The following ITCH variants were observed in gnomAD, a reference collection of about 807,000 sequenced individuals.
ITCH encodes itchy E3 ubiquitin protein ligase.
In ITCH, 28 loss-of-function variants were observed where a neutral mutation model predicts 126.8. The observed-to-expected ratio is 0.22, with a 90% confidence interval of 0.16 to 0.30. The LOEUF is 0.30. ITCH is among the 10% of genes least tolerant of loss of function. The probability of loss-of-function intolerance (pLI) is 1.00; values close to 1 mark genes in which losing one functional copy is unlikely to be tolerated. For missense variants in ITCH, 631 were observed against 1,032.4 expected (o/e 0.61, Z 5.33); for synonymous variants, 342 against 340.0 (o/e 1.01, Z -0.06).
In ITCH at chr20:34,445,378, G is replaced by A. The variant is rs747452758; in HGVS notation, c.1057G>A (p.Val353Ile). 11 of 1,613,398 alleles carry A rather than the reference G, an allele frequency of 6.8e-6. No homozygotes were observed. Among genetic ancestry groups the A allele is most frequent in the East Asian group, 2.2e-5 (1 of 44,858 alleles). Residue 353 changes from valine (V) to isoleucine (I), a missense_variant, in exon 11 of 25, where the codon GTC becomes ATC. By Grantham distance (29) the Val-to-Ile change is conservative. Transcript: ENST00000374864. ...GTGGCAGAGGCCAACACTGGAATCC[G>A]TCCGGAACTATGAACAATGGCAGCT... ...TTWQRPTLES[V>I]RNYEQWQLQR... is the part of the protein sequence containing the mutation.
chr20:34,484,048 C>T (rs571831780), intron 20 of ITCH, among the ~76,000 whole-genome samples: 3 of 152,206 alleles, frequency 2.0e-5, no homozygotes, highest in South Asian at 2.1e-4. Flanking sequence ...GAGAAAGGCC[C>T]GCCCCCATGA....
At chr20:34,452,261 C>G (rs1215294971) in intron 12 of ITCH, among the ~76,000 whole-genome samples, 4 of 152,112 alleles carry the variant, frequency 2.6e-5, no homozygotes, top group African/African-American at 4.8e-5. Flanking sequence ...TCCTTGCCTT[C>G]TGTATTCATC....
intron 23 of ITCH, among the ~76,000 whole-genome samples, chr20:34,495,291 TA>T (rs1345021928): frequency 0.21 from 26,124 of 124,514 alleles, 2,893 homozygotes; most frequent in East Asian, 0.3. Flanking sequence ...AATAAATAAA[TA>T]AAATATATAT....
chr20:34,464,387 T>C (rs1442814132), intron 14 of ITCH, among the ~76,000 whole-genome samples: 1 of 149,836 alleles, frequency 6.7e-6, no homozygotes, highest in Non-Finnish European at 1.5e-5. Context: ...AGTGCAATGG[T>C]GCGATCTCGG....
At chr20:34,384,281 T>A (rs1601770023) in intron 2 of ITCH, 1 of 143,960 alleles carries the variant, frequency 6.9e-6, no homozygotes, top group Non-Finnish European at 1.5e-5. Flanking sequence ...CTGTAATTCT[T>A]TTTTTTTTTT....
At chr20:34,506,287 C>CT (rs1455743520) in intron 24 of ITCH, among the ~76,000 whole-genome samples, 9 of 152,190 alleles carry the variant, frequency 5.9e-5, no homozygotes, top group African/African-American at 2.2e-4. Flanking sequence ...TGGTCTCGAC[C>CT]TCTTGAGCTC....
intron 23 of ITCH, among the ~76,000 whole-genome samples, chr20:34,492,945 T>C (rs1989619566): frequency 6.6e-6 from 1 of 152,222 alleles, no homozygotes; most frequent in Admixed American, 6.5e-5. Flanking sequence ...CAATAGTGGA[T>C]TGTAGTTTTA....
chr20:34,423,497 C>T (rs1981074174), intron 6 of ITCH, among the ~76,000 whole-genome samples: 2 of 152,080 alleles, frequency 1.3e-5, no homozygotes, highest in South Asian at 2.1e-4. Context: ...CCTAGGTGGT[C>T]GAACTTGAGT....
At chr20:34,437,341 T>A (rs1487580636) in intron 7 of ITCH, among the ~76,000 whole-genome samples, 1 of 152,230 alleles carries the variant, frequency 6.6e-6, no homozygotes, top group Non-Finnish European at 1.5e-5. Flanking sequence ...GGTCTCACTC[T>A]GTCTCCCAGG....
At chr20:34,387,803 C>G (rs1479911980) in intron 2 of ITCH, among the ~76,000 whole-genome samples, 1 of 151,934 alleles carries the variant, frequency 6.6e-6, no homozygotes, top group Non-Finnish European at 1.5e-5. Context: ...CTCCTGGGTT[C>G]AAGCGGTTCT....
chr20:34,503,865 T>TGTTTG (rs1289270000), intron 23 of ITCH, among the ~76,000 whole-genome samples: 17 of 104,020 alleles, frequency 1.6e-4, no homozygotes, highest in Middle Eastern at 5.2e-3. Flanking sequence ...TTTTTTTTTT[T>TGTTTG]TTTGGTTTTT....
intron 20 of ITCH, among the ~76,000 whole-genome samples, chr20:34,483,383 G>A (rs1391759288): frequency 2.6e-5 from 4 of 152,078 alleles, no homozygotes; most frequent in Admixed American, 6.5e-5. Context: ...TTAACAGCAC[G>A]CAAGTCTCCT....
At chr20:34,411,539 T>C (rs4911422) in intron 4 of ITCH, among the ~76,000 whole-genome samples, 83,997 of 152,000 alleles carry the variant, frequency 0.55, 23,763 homozygotes, top group African/African-American at 0.65. Flanking sequence ...ATACATTGTA[T>C]CCCCTAAGAA....
intron 12 of ITCH, 46 bp from the exon 13 acceptor site, chr20:34,457,344 G>A (rs2146355952): frequency 8.3e-7 from 1 of 1,206,844 alleles, no homozygotes; most frequent in African/African-American, 1.5e-5. Flanking sequence ...AGAAGACTAT[G>A]CCAATGCTAA....
intron 11 of ITCH, among the ~76,000 whole-genome samples, chr20:34,448,939 C>A (rs1422361811): frequency 6.6e-6 from 1 of 152,132 alleles, no homozygotes; most frequent in Non-Finnish European, 1.5e-5. Flanking sequence ...CATCTGGCAG[C>A]CCACTCTTCC....
intron 22 of ITCH, among the ~76,000 whole-genome samples, chr20:34,490,389 G>A (rs1382921619): frequency 2.0e-5 from 3 of 152,176 alleles, no homozygotes; most frequent in Non-Finnish European, 2.9e-5. Flanking sequence ...ACCACAGTGA[G>A]GCTGGGTGCG....
intron 14 of ITCH, among the ~76,000 whole-genome samples, chr20:34,465,342 C>T (rs574539210): frequency 1.7e-4 from 26 of 152,002 alleles, no homozygotes; most frequent in African/African-American, 6.0e-4. Context: ...TTTTTTCAAG[C>T]TGCTTTTGAC....
At chr20:34,479,334 G>A (rs192974977) in intron 17 of ITCH, among the ~76,000 whole-genome samples, 26 of 152,130 alleles carry the variant, frequency 1.7e-4, no homozygotes, top group East Asian at 1.9e-4. Flanking sequence ...CTGAAATTAC[G>A]ATGTATCTCA....
intron 20 of ITCH, among the ~76,000 whole-genome samples, chr20:34,486,054 G>T (rs1175509731): frequency 1.3e-5 from 2 of 151,932 alleles, no homozygotes; most frequent in African/African-American, 4.8e-5. Context: ...CTCTGAGGTT[G>T]CCCAGGTTGG....
Sources: allele counts gnomAD v4.1 joint callset (sites outside exome capture counted in the v4.1 genomes callset), GRCh38; gene constraint gnomAD v4.1.1; transcripts MANE v1.5; gene names NCBI Gene and HGNC (gene_info 2026-07-23, HGNC 2026-07-21).